The following TMEM164 variants were observed in gnomAD, a reference collection of about 807,000 sequenced individuals.
The protein encoded by TMEM164 is RP13-360B22.2.
Under a neutral mutation model 18.8 loss-of-function variants are expected in TMEM164, and 4 were observed. The ratio of observed to expected loss-of-function variants is 0.21; its 90% confidence interval spans 0.10 to 0.49. TMEM164 has a LOEUF of 0.49. TMEM164 is among the 20% of genes least tolerant of loss of function. The pLI, the probability that TMEM164 is intolerant of heterozygous loss-of-function variation, is 0.98. For synonymous variants in TMEM164, 86 were observed against 101.7 expected, an observed-to-expected ratio of 0.85 and a Z score of 0.93; for missense variants, 108 against 239.9, an observed-to-expected ratio of 0.45 and a Z score of 3.63.
At chrX:110,005,595 T>C (rs1932651593) in intron 2 of TMEM164, among the ~76,000 whole-genome samples, 1 of 112,194 alleles carries the variant, frequency 8.9e-6, no homozygotes, top group Admixed American at 9.4e-5. Context: ...CTGTTTTTGA[T>C]TGGGTGGCTG....
rs994123991 is a variant in TMEM164 at position 110,171,301 on chromosome X, GATCAGTAAAAGGAACAGTC to G, written c.587-113_587-95del. 5.8e-6 allele frequency: 3 copies of G among 519,230 alleles called. No individual in the cohort carries two copies. The African/African-American group carries it at 7.2e-5, about 12-fold the overall frequency. The allele number at this position is 519,230 out of a possible 1,213,427, so 42.8% of individuals were successfully genotyped here. On this transcript the variant is annotated intron_variant, in intron 5 of 6. Coordinates refer to ENST00000372068, the MANE Select transcript of TMEM164 (RefSeq NM_032227.4). ...GGCTGTCTCTTGAGTAGTTGCCAGTGATCAGTAAAAGGAACAGTCATCAGGCAGCAGCTGTGACCTCAGT... is the reference window on the plus strand; with the variant it reads ...GGCTGTCTCTTGAGTAGTTGCCAGTGATCAGGCAGCAGCTGTGACCTCAGT...
At chrX:110,180,788 C>T (rs141370370), downstream of TMEM164, among the ~76,000 whole-genome samples, 1,218 of 111,323 alleles carry the variant, frequency 0.011, 11 homozygotes, top group Non-Finnish European at 0.017. Context: ...GTTCTCCTGT[C>T]CAACAACCTA....
chrX:110,020,518 C>T (rs1933749062), intron 2 of TMEM164: 15 of 754,049 alleles, frequency 2.0e-5, no homozygotes, highest in Non-Finnish European at 2.2e-5. Context: ...GGGAATGTCT[C>T]CTTTGGGAGC....
chrX:110,052,456 C>T (rs1286171698), intron 2 of TMEM164, among the ~76,000 whole-genome samples: 1 of 112,296 alleles, frequency 8.9e-6, no homozygotes, highest in Non-Finnish European at 1.9e-5. Flanking sequence ...CATGCATAAA[C>T]AAGGCTTGAA....
intron 2 of TMEM164, among the ~76,000 whole-genome samples, chrX:110,032,191 A>T (rs1934547390): frequency 8.9e-6 from 1 of 112,158 alleles, no homozygotes; most frequent in African/African-American, 3.2e-5. Flanking sequence ...TTAGGTACAC[A>T]CATCCTGATC....
chrX:110,043,679 A>T (rs772822995), intron 2 of TMEM164, among the ~76,000 whole-genome samples: 2 of 112,550 alleles, frequency 1.8e-5, no homozygotes, highest in African/African-American at 6.5e-5. Context: ...GTTGCAAAAA[A>T]AGCATGTGTT....
chrX:110,003,377 C>T (rs4893444), intron 1 of TMEM164, 124 bp from the exon 2 acceptor site: 51,352 of 134,536 alleles, frequency 0.38, 8,723 homozygotes, highest in East Asian at 0.81. Context: ...CTGACCCCTG[C>T]TTGCTTCGCC....
chrX:110,085,941 G>C (rs2065846031), intron 3 of TMEM164, among the ~76,000 whole-genome samples: 1 of 112,113 alleles, frequency 8.9e-6, no homozygotes, highest in South Asian at 3.7e-4. Flanking sequence ...TAGTCCAAAT[G>C]GATGTCCGGT....
At chrX:110,141,367 T>C (rs780179824) in intron 4 of TMEM164, among the ~76,000 whole-genome samples, 62 of 111,859 alleles carry the variant, frequency 5.5e-4, no homozygotes, top group Non-Finnish European at 1.1e-3. Context: ...ATGCTGCTGA[T>C]AAAGACATAC....
At chrX:110,165,321 A>C (rs997638250) in intron 5 of TMEM164, among the ~76,000 whole-genome samples, 2 of 113,008 alleles carry the variant, frequency 1.8e-5, no homozygotes, top group East Asian at 5.5e-4. Context: ...ATTCTGCTTA[A>C]TTTTAATTCA....
At chrX:110,064,994 C>CAAAAAAAAAAAAAAAAAAAAAAAA (rs34824546) in intron 2 of TMEM164, 1 of 42,152 alleles carries the variant, frequency 2.4e-5, no homozygotes, top group African/African-American at 1.1e-4. Context: ...GAGACTTTCT[C>CAAAAAAAAAAAAAAAAAAAAAAAA]AAAAAAAAAA....
rs2067298173 is a variant in TMEM164 at position 110,177,054 on chromosome X, T to C, written c.*3603T>C. 9.0e-6 allele frequency: 1 copy of C among 111,362 alleles called. No individual in the cohort carries two copies. The highest frequency in any genetic ancestry group is 3.9e-4 in the South Asian group (1 of 2,591). The allele number at this position is 111,362 out of a possible 1,213,427, so 9.2% of individuals were successfully genotyped here. A position where few individuals can be genotyped will look rare whatever the true frequency, so the allele number is the denominator to read the frequency against. On this transcript the variant is annotated 3_prime_UTR_variant, in exon 7 of 7. Transcript: ENST00000372068. The stretch of plus-strand genomic sequence containing the variant: ...AGGGAGGCAGCCCTCCTTTTGTGTA[T>C]ATAGAGTGAGCTGATTTGGGCTCAG...
Position 110,065,723 on chromosome X carries a change from G to A in TMEM164, c.391-1624G>A, listed in dbSNP as rs182573329. 7.7e-3 allele frequency among the ~76,000 whole-genome samples: 861 copies of A among 111,504 alleles called. 5 individuals carry two copies. Among genetic ancestry groups the A allele is most frequent in the Non-Finnish European group, 0.013 (699 of 53,124 alleles). On this transcript the variant is annotated intron_variant, in intron 2 of 6. Coordinates refer to ENST00000372068, the MANE Select transcript of TMEM164 (RefSeq NM_032227.4). ...AATTTTTTTGGATTTCAGAGAGGCC[G>A]TACAGTGCATGTAGAGTCTTTTACA...
intron 4 of TMEM164, among the ~76,000 whole-genome samples, chrX:110,112,376 G>C (rs1415264187): frequency 9.0e-6 from 1 of 111,232 alleles, no homozygotes; most frequent in Non-Finnish European, 1.9e-5. Flanking sequence ...GCATGGTGGT[G>C]CAAGCCTGTA....
intron 2 of TMEM164, among the ~76,000 whole-genome samples, chrX:110,022,623 G>C (rs1181813273): frequency 8.9e-6 from 1 of 111,807 alleles, no homozygotes; most frequent in Non-Finnish European, 1.9e-5. Flanking sequence ...GAGGTTTGAG[G>C]AGAACTGCCT....
At chrX:110,155,472 A>T (rs2067003898) in intron 5 of TMEM164, among the ~76,000 whole-genome samples, 1 of 110,489 alleles carries the variant, frequency 9.1e-6, no homozygotes, top group Non-Finnish European at 1.9e-5. Flanking sequence ...CAAAGCAAAA[A>T]ATGTAGGCAA....
At chrX:110,045,642 C>A (rs1221935403) in intron 2 of TMEM164, among the ~76,000 whole-genome samples, 1 of 111,725 alleles carries the variant, frequency 9.0e-6, no homozygotes, top group Admixed American at 9.5e-5. Context: ...ATGGGCTTGA[C>A]GAGCTGAGAG....
intron 2 of TMEM164, chrX:110,046,014 A>G (rs1228650225): frequency 2.7e-6 from 2 of 748,911 alleles, no homozygotes; most frequent in Middle Eastern, 7.5e-4. Flanking sequence ...GTTTTCCCAC[A>G]ATGGAAATTA....
intron 5 of TMEM164, among the ~76,000 whole-genome samples, chrX:110,164,053 C>G (rs2791637): frequency 5.0e-4 from 56 of 112,233 alleles, no homozygotes; most frequent in African/African-American, 1.7e-3. Context: ...AGGAGCGTGA[C>G]AGAGTGAATG....
Sources: gnomAD v4.1 joint callset for allele counts (sites outside exome capture counted in the v4.1 genomes callset) on GRCh38, gnomAD v4.1.1 for gene constraint, MANE v1.5 for transcripts, NCBI Gene and HGNC (gene_info 2026-07-23, HGNC 2026-07-21) for gene names.